TEX12: variants seen among roughly 807,000 people sequenced by gnomAD.
TEX12 encodes testis-expressed protein 12.
In TEX12, 7 loss-of-function variants were observed where a neutral mutation model predicts 14.6. That is an observed-to-expected ratio of 0.48 (90% CI 0.27 to 0.90). The LOEUF (loss-of-function observed/expected upper bound fraction) is 0.90. Among genes scored for constraint, TEX12 ranks in the 40% least tolerant of loss-of-function variants. TEX12 has a pLI of 0.12. For synonymous variants in TEX12, 57 were observed against 49.1 expected, an observed-to-expected ratio of 1.16 and a Z score of -0.67; for missense variants, 121 against 135.7, an observed-to-expected ratio of 0.89 and a Z score of 0.54.
At position 112,169,412 on chromosome 11, in the gene TEX12, A is replaced by G. The variant is rs1466433063; in HGVS notation, c.63+81A>G. ...AATTTCTTCCCTTTAAGAAAGCTCT[A>G]TAGATAAGTGGGATTTAATGTATTC... On this transcript the variant is annotated intron_variant, in intron 2 of 4. Transcript: ENST00000280358. 5.5e-6 allele frequency: 6 copies of G among 1,094,770 alleles called. No homozygotes were observed. In the African/African-American group the frequency reaches 6.2e-5, roughly 11 times the overall value. The allele number at this position is 1,094,770 out of a possible 1,614,324, so 67.8% of individuals were successfully genotyped here.
Position 112,169,284 on chromosome 11 carries a change from C to A in TEX12, c.16C>A (p.Leu6Ile). 1 of 1,613,830 alleles carries A rather than the reference C, an allele frequency of 6.2e-7. No individual in the cohort carries two copies. Among genetic ancestry groups the A allele is most frequent in the Non-Finnish European group, 8.5e-7 (1 of 1,179,754 alleles). Reference sequence around the variant, plus strand: ...CCTTCGGAATATGATGGCAAATCACCTTGTAAAGCCTGATAATAGAAATTG... The same window carrying A: ...CCTTCGGAATATGATGGCAAATCACATTGTAAAGCCTGATAATAGAAATTG... MMANH[L>I]VKPDNRNCKR... The change falls in exon 2 of 5, where the codon CTT becomes ATT. Residue 6 changes from leucine (L) to isoleucine (I), a missense_variant. By Grantham distance (5) the Leu-to-Ile change is conservative. Coordinates refer to ENST00000280358, the MANE Select transcript of TEX12 (RefSeq NM_031275.4).
chr11:112,169,360 C>A (rs752271654), intron 2 of TEX12, 29 bp downstream of exon 2: 8 of 1,553,338 alleles, frequency 5.2e-6, no homozygotes, highest in Middle Eastern at 3.4e-4. Context: ...GAGCCTTAAT[C>A]TTTTATTCTG....
At position 112,171,997 on chromosome 11, in the gene TEX12, C is replaced by A. The variant is rs553858887; in HGVS notation, c.*81C>A. The A allele has an allele frequency of 2.6e-6, 3 of 1,134,208 alleles. No individual in the cohort carries two copies. Among genetic ancestry groups the A allele is most frequent in the South Asian group, 3.0e-5 (1 of 33,794 alleles). 70.3% of individuals were successfully genotyped at this position (1,134,208 alleles called of 1,614,324 possible). Reference sequence around the variant, plus strand: ...ATGACATTTATGCTTTGAAAGCTCTCGAGTTGTTAAAGAAAATGTATATCT... The same window carrying A: ...ATGACATTTATGCTTTGAAAGCTCTAGAGTTGTTAAAGAAAATGTATATCT... On this transcript the variant is annotated 3_prime_UTR_variant, in exon 5 of 5. Coordinates refer to ENST00000280358, the MANE Select transcript of TEX12 (RefSeq NM_031275.4).
intron 2 of TEX12, 131 bp downstream of exon 2, chr11:112,169,462 T>C: frequency 1.5e-6 from 1 of 686,680 alleles, no homozygotes; most frequent in Non-Finnish European, 2.5e-6. Context: ...AGGATTGTCC[T>C]ACAACATAGG....
chr11:112,169,529 T>C (rs1592824360), intron 2 of TEX12, among the ~76,000 whole-genome samples, 198 bp downstream of exon 2: 3 of 152,206 alleles, frequency 2.0e-5, no homozygotes, highest in Non-Finnish European at 2.9e-5. Flanking sequence ...CAAGAAACTA[T>C]TGGGAGATTT....
rs1866793807 is a variant in TEX12 at position 112,171,778 on chromosome 11, A to G, written c.234A>G (p.Arg78=). ...LSTYAKLLSE[R]AAVDASYIDE... ...CAACTTTTTTTCCTATTAGTGAGAG[A>G]GCAGCAGTAGATGCATCTTACATTG... is the stretch of plus-strand genomic sequence containing the variant. The change falls in exon 5 of 5, where the codon AGA becomes AGG. Residue 78 remains arginine (R), a synonymous_variant. Transcript: ENST00000280358. The G allele has an allele frequency of 1.9e-6, 3 of 1,545,290 alleles. No individual in the cohort carries two copies. Among genetic ancestry groups the G allele is most frequent in the East Asian group, 2.4e-5 (1 of 42,288 alleles).
In TEX12 at chr11:112,170,549, A is replaced by C; in HGVS notation, c.175+19A>C. 1 of 1,595,784 alleles carries C rather than the reference A, an allele frequency of 6.3e-7. No homozygotes were observed. ...TTAAATGGTGATGTATAAAATGTTT[A>C]TATTTCTAAACATCAGTCTTATAAT... On this transcript the variant is annotated intron_variant, in intron 3 of 4. Coordinates refer to ENST00000280358, the MANE Select transcript of TEX12 (RefSeq NM_031275.4).
chr11:112,170,252 C>A (rs555597530), intron 2 of TEX12, 167 bp from the exon 3 acceptor site: 2 of 498,832 alleles, frequency 4.0e-6, no homozygotes, highest in East Asian at 3.2e-5. Context: ...GTTTCTTGGG[C>A]CTGTAAATTT....
intron 4 of TEX12, 137 bp from the exon 5 acceptor site, chr11:112,171,635 T>C (rs1375380443): frequency 1.9e-6 from 1 of 531,384 alleles, no homozygotes; most frequent in African/African-American, 2.0e-5. Flanking sequence ...TTCTGAAGAG[T>C]ATTAGTAAAT....
chr11:112,168,145 T>C (rs1403832837), intron 1 of TEX12, among the ~76,000 whole-genome samples: 1 of 152,254 alleles, frequency 6.6e-6, no homozygotes, highest in Non-Finnish European at 1.5e-5. Flanking sequence ...GTCTTCTATA[T>C]ATGCATATTT....
chr11:112,169,709 C>A (rs555423104), intron 2 of TEX12, among the ~76,000 whole-genome samples: 20 of 152,286 alleles, frequency 1.3e-4, no homozygotes, highest in African/African-American at 4.6e-4. Flanking sequence ...ACCAGTTGAT[C>A]TTTTGCATTT....
At chr11:112,170,384 T>G in intron 2 of TEX12, 35 bp from the exon 3 acceptor site, 1 of 1,362,814 alleles carries the variant, frequency 7.3e-7, no homozygotes, top group Middle Eastern at 1.8e-4. Context: ...AAGATCTTAT[T>G]GACTGTACCT....
In TEX12 at chr11:112,171,836, G is replaced by T; in HGVS notation, c.292G>T (p.Ala98Ser). The change falls in exon 5 of 5, where the codon GCT (alanine) becomes TCT (serine). Residue 98 changes from alanine (A) to serine (S), a missense_variant. Ala to Ser is a moderately conservative substitution (Grantham distance 99, BLOSUM62 1). Transcript: ENST00000280358. ...AGATGAACTCTTCAAAGAAGCCAATGCTATTGAAAACTTTCTAATACAAAA... is the reference window on the plus strand; with the variant it reads ...AGATGAACTCTTCAAAGAAGCCAATTCTATTGAAAACTTTCTAATACAAAA... ...EIDELFKEAN[A>S]IENFLIQKRE... is the part of the protein sequence containing the mutation. The T allele has an allele frequency of 6.3e-7, 1 of 1,599,654 alleles. No homozygotes were observed. Among genetic ancestry groups the T allele is most frequent in the South Asian group, 1.1e-5 (1 of 88,382 alleles).
At chr11:112,170,709 T>C (rs781568954) in intron 4 of TEX12, 35 bp downstream of exon 4, 1 of 1,543,998 alleles carries the variant, frequency 6.5e-7, no homozygotes, top group Admixed American at 1.8e-5. Flanking sequence ...GGGGTCTTTA[T>C]GTTAGTTTTC....
intron 4 of TEX12, among the ~76,000 whole-genome samples, chr11:112,171,113 G>A (rs768132865): frequency 3.3e-5 from 5 of 151,988 alleles, no homozygotes; most frequent in Non-Finnish European, 7.4e-5. Flanking sequence ...GAAAAAAAGG[G>A]TGGTTGTGTC....
chr11:112,168,779 C>T lies in TEX12; in HGVS notation c.-16-474C>T, dbSNP rs571048930. ...GCTGGCCAGGCTGGTCTCGAACTCC[C>T]GACCTCAGGTGATCTTCCTGCCTCA... On this transcript the variant is annotated intron_variant, in intron 1 of 4. Transcript: ENST00000280358. Among the ~76,000 whole-genome samples, 23 of 152,072 alleles carry T rather than the reference C, an allele frequency of 1.5e-4. 1 individual carries two copies. The South Asian group carries it at 2.9e-3, about 19-fold the overall frequency.
intron 1 of TEX12, among the ~76,000 whole-genome samples, chr11:112,168,626 A>C (rs751948647): frequency 2.5e-4 from 38 of 151,430 alleles, no homozygotes; most frequent in Non-Finnish European, 4.9e-4. Context: ...ATCTCGGCTC[A>C]CTGCAACCTC....
Position 112,169,297 on chromosome 11 carries a change from A to G in TEX12, c.29A>G (p.Asp10Gly). ...ATGGCAAATCACCTTGTAAAGCCTGATAATAGAAATTGCAAGAGGCCAAGA... is the reference window on the plus strand; with the variant it reads ...ATGGCAAATCACCTTGTAAAGCCTGGTAATAGAAATTGCAAGAGGCCAAGA... MMANHLVKPDNRNCKRPREL... is the reference protein window; with the variant it reads MMANHLVKPGNRNCKRPREL... Residue 10 changes from aspartate (D) to glycine (G), a missense_variant, in exon 2 of 5, where the codon GAT (aspartate) becomes GGT (glycine). By Grantham distance (94) the Asp-to-Gly change is moderately conservative. Coordinates refer to ENST00000280358, the MANE Select transcript of TEX12 (RefSeq NM_031275.4). 1 of 1,614,026 alleles carries G rather than the reference A, an allele frequency of 6.2e-7. No individual in the cohort carries two copies. The highest frequency in any genetic ancestry group is 8.5e-7 in the Non-Finnish European group (1 of 1,179,870).
rs1866792092 is a variant in TEX12 at position 112,171,706 on chromosome 11, TGAA to T, written c.228-62_228-60del. ...GAAATAGTTAACAAATATTGTGTAA[TGAA>T]GAACAACATAATGATGTTGTTTATA... is the stretch of plus-strand genomic sequence containing the variant. On this transcript the variant is annotated intron_variant, in intron 4 of 4. Transcript: ENST00000280358. 5.1e-6 allele frequency: 5 copies of T among 986,300 alleles called. No homozygotes were observed. In the African/African-American group the frequency reaches 6.7e-5, roughly 13 times the overall value. 61.1% of individuals were successfully genotyped at this position (986,300 alleles called of 1,614,324 possible).
Sources: gnomAD v4.1 joint callset for allele counts (sites outside exome capture counted in the v4.1 genomes callset) on GRCh38, gnomAD v4.1.1 for gene constraint, MANE v1.5 for transcripts, NCBI Gene and HGNC (gene_info 2026-07-23, HGNC 2026-07-21) for gene names.